GDA: variants seen among roughly 807,000 people sequenced by gnomAD.
GDA encodes cytoplasmic PSD-95 interactor.
In GDA, 18 loss-of-function variants were observed where a neutral mutation model predicts 59.6. The ratio of observed to expected loss-of-function variants is 0.30; its 90% confidence interval spans 0.21 to 0.45. GDA has a LOEUF of 0.45. GDA is among the 20% of genes least tolerant of loss of function. The pLI is 1.00. For synonymous variants in GDA, 201 were observed against 201.1 expected, an observed-to-expected ratio of 1.00 and a Z score of 0.00; for missense variants, 427 against 552.3, an observed-to-expected ratio of 0.77 and a Z score of 2.27.
intron 1 of GDA, among the ~76,000 whole-genome samples, chr9:72,149,901 G>A (rs1199567113): frequency 1.3e-5 from 2 of 152,216 alleles, no homozygotes; most frequent in African/African-American, 2.4e-5. Context: ...GAGCAGTGGC[G>A]TGCTAACGCC....
intron 11 of GDA, among the ~76,000 whole-genome samples, chr9:72,244,162 G>A (rs1337673274): frequency 6.7e-6 from 1 of 150,198 alleles, no homozygotes. Context: ...AGGCGACAGA[G>A]CAAGACTCCG....
chr9:72,131,437 T>C (rs1029402507), intron 1 of GDA, among the ~76,000 whole-genome samples: 1 of 142,376 alleles, frequency 7.0e-6, no homozygotes, highest in Non-Finnish European at 1.5e-5. Context: ...CAAGAACTTA[T>C]CACCAAGGGA....
intron 13 of GDA, among the ~76,000 whole-genome samples, chr9:72,247,645 A>C: frequency 6.6e-6 from 1 of 152,176 alleles, no homozygotes; most frequent in East Asian, 1.9e-4. Flanking sequence ...GACTCCCTCT[A>C]GTCATAAATT....
intron 1 of GDA, among the ~76,000 whole-genome samples, chr9:72,119,567 G>A (rs1039803708): frequency 6.6e-6 from 1 of 152,104 alleles, no homozygotes; most frequent in African/African-American, 2.4e-5. Flanking sequence ...AAAAAATGCT[G>A]AAAGAATATA....
At position 72,228,047 on chromosome 9, in the gene GDA, A is replaced by C; in HGVS notation, c.920+7A>C. The C allele has an allele frequency of 6.9e-7, 1 of 1,443,786 alleles. No individual in the cohort carries two copies. 89.4% of individuals were successfully genotyped at this position (1,443,786 alleles called of 1,614,324 possible). A position where few individuals can be genotyped will look rare whatever the true frequency, so the allele number is the denominator to read the frequency against. ...GTCCCAATTCTAATTTATCGTAAGTAGACAATGATTGTTTGGTAGATTACG... is the reference window on the plus strand; with the variant it reads ...GTCCCAATTCTAATTTATCGTAAGTCGACAATGATTGTTTGGTAGATTACG... On this transcript the variant is annotated splice_region_variant and intron_variant, in intron 9 of 13. Transcript: ENST00000358399.
At chr9:72,120,862 A>G (rs1464173826) in intron 1 of GDA, among the ~76,000 whole-genome samples, 1 of 152,046 alleles carries the variant, frequency 6.6e-6, no homozygotes, top group Non-Finnish European at 1.5e-5. Context: ...AAATGACTCT[A>G]CTTTGCACCA....
chr9:72,221,131 C>T (rs1320631856), intron 6 of GDA, among the ~76,000 whole-genome samples: 6 of 152,174 alleles, frequency 3.9e-5, no homozygotes, highest in Non-Finnish European at 7.3e-5. Context: ...GGCCACTCAC[C>T]TCAGGTGCCA....
chr9:72,178,329 G>A (rs1830767127), intron 1 of GDA, among the ~76,000 whole-genome samples: 2 of 151,938 alleles, frequency 1.3e-5, no homozygotes, highest in Non-Finnish European at 2.9e-5. Context: ...ACTAAATCAT[G>A]GTATTGGAAA....
chr9:72,217,967 G>A (rs2131527151), intron 5 of GDA, among the ~76,000 whole-genome samples: 1 of 151,754 alleles, frequency 6.6e-6, no homozygotes, highest in East Asian at 1.9e-4. Flanking sequence ...AGGCTGGAGT[G>A]CAGTGGCACG....
At chr9:72,127,623 A>G (rs1314336257) in intron 1 of GDA, among the ~76,000 whole-genome samples, 1 of 144,424 alleles carries the variant, frequency 6.9e-6, no homozygotes, top group Non-Finnish European at 1.5e-5. Flanking sequence ...GGCGACAGAG[A>G]GAGACTCTGT....
chr9:72,167,206 C>A (rs1267584727), intron 1 of GDA, among the ~76,000 whole-genome samples: 1 of 152,120 alleles, frequency 6.6e-6, no homozygotes, highest in East Asian at 1.9e-4. Flanking sequence ...TGCATCCAGA[C>A]AATGAAATGC....
At chr9:72,213,648 A>G (rs1177321054) in intron 4 of GDA, among the ~76,000 whole-genome samples, 1 of 149,794 alleles carries the variant, frequency 6.7e-6, no homozygotes, top group Non-Finnish European at 1.5e-5. Flanking sequence ...CTAAAAATAC[A>G]AAAAATTAGC....
intron 3 of GDA, among the ~76,000 whole-genome samples, chr9:72,205,734 T>C (rs1834612802): frequency 6.6e-6 from 1 of 152,210 alleles, no homozygotes; most frequent in Admixed American, 6.5e-5. Flanking sequence ...AATCAGGCTT[T>C]CAGTGAGTTG....
At chr9:72,199,447 G>C (rs1833654261) in intron 2 of GDA, among the ~76,000 whole-genome samples, 1 of 152,092 alleles carries the variant, frequency 6.6e-6, no homozygotes, top group African/African-American at 2.4e-5. Context: ...TTTGTACTCT[G>C]AATCATCTTT....
At chr9:72,127,093 C>T (rs1436631082) in intron 1 of GDA, among the ~76,000 whole-genome samples, 1 of 151,870 alleles carries the variant, frequency 6.6e-6, no homozygotes, top group Non-Finnish European at 1.5e-5. Context: ...AAGCCTGTTG[C>T]ATCCTAGATT....
At chr9:72,254,373 C>G (rs182270566), downstream of GDA, among the ~76,000 whole-genome samples, 2 of 151,930 alleles carry the variant, frequency 1.3e-5, no homozygotes, top group South Asian at 4.1e-4. Context: ...GTAGCAAAAA[C>G]TTTGTTGGGA....
intron 1 of GDA, among the ~76,000 whole-genome samples, chr9:72,131,403 A>G (rs1304083773): frequency 6.6e-6 from 1 of 152,132 alleles, no homozygotes; most frequent in East Asian, 1.9e-4. Context: ...ATAGAGAAAT[A>G]CCAAAGGCAG....
chr9:72,214,728 TTTTTTC>T (rs1444699683), intron 5 of GDA: 14 of 349,646 alleles, frequency 4.0e-5, no homozygotes, highest in East Asian at 1.1e-4. Context: ...GTTCTTTTTT[TTTTTTC>T]TTTTCTTTTC....
intron 1 of GDA, among the ~76,000 whole-genome samples, chr9:72,132,615 G>A (rs931066760): frequency 6.6e-6 from 1 of 152,134 alleles, no homozygotes; most frequent in Non-Finnish European, 1.5e-5. Context: ...TCAGTCAAGA[G>A]GATGCTGTTG....
Sources: gnomAD v4.1 joint callset for allele counts (sites outside exome capture counted in the v4.1 genomes callset) on GRCh38, gnomAD v4.1.1 for gene constraint, MANE v1.5 for transcripts, NCBI Gene and HGNC (gene_info 2026-07-23, HGNC 2026-07-21) for gene names.